Variants in PIWIL1 observed in about 807,000 individuals in gnomAD.
PIWIL1 encodes the protein piwi-like protein 1.
A neutral mutation model predicts 114.4 loss-of-function variants in PIWIL1; 73 were observed. That is an observed-to-expected ratio of 0.64 (90% CI 0.53 to 0.78). The LOEUF (loss-of-function observed/expected upper bound fraction) is 0.78. Among genes scored for constraint, PIWIL1 ranks in the 30% least tolerant of loss-of-function variants. The pLI is 0.00. For synonymous variants in PIWIL1, 375 were observed against 369.0 expected, an observed-to-expected ratio of 1.02 and a Z score of -0.19; for missense variants, 723 against 1,063.1, an observed-to-expected ratio of 0.68 and a Z score of 4.45.
intron 4 of PIWIL1, 64 bp downstream of exon 4, chr12:130,345,942 G>T (rs978420546): frequency 6.4e-7 from 1 of 1,559,478 alleles, no homozygotes; most frequent in Non-Finnish European, 8.7e-7. Context: ...GTGAATTGAG[G>T]CACTTTAGTT....
chr12:130,362,355 G>A lies in PIWIL1; in HGVS notation c.1971-411G>A, dbSNP rs76966551. On this transcript the variant is annotated intron_variant, in intron 16 of 20. Coordinates refer to ENST00000245255, the MANE Select transcript of PIWIL1 (RefSeq NM_004764.5). Reference sequence around the variant, plus strand: ...TTTCTGTTCCTGCATTAGTTTGCTAGAGGTAACGGATGGAGCTGAAGGTCT... The same window carrying A: ...TTTCTGTTCCTGCATTAGTTTGCTAAAGGTAACGGATGGAGCTGAAGGTCT... Among the ~76,000 whole-genome samples, 434 of 152,334 alleles carry A rather than the reference G, an allele frequency of 2.8e-3. 2 individuals carry two copies. Among genetic ancestry groups the A allele is most frequent in the African/African-American group, 1.0e-2 (415 of 41,576 alleles).
chr12:130,413,816 C>A, the PIWIL1 span, among the ~76,000 whole-genome samples: 2 of 152,068 alleles, frequency 1.3e-5, no homozygotes, highest in African/African-American at 2.4e-5. Flanking sequence ...TGCTGACTGA[C>A]AAGTGTTGTT....
chr12:130,362,319 T>G (rs7311424), intron 16 of PIWIL1, among the ~76,000 whole-genome samples: 15,550 of 152,052 alleles, frequency 0.1, 2,609 homozygotes, highest in African/African-American at 0.35. Flanking sequence ...TGAAAACAGG[T>G]GGTATTTGGT....
At chr12:130,359,443 C>T (rs1320209419) in intron 14 of PIWIL1, among the ~76,000 whole-genome samples, 1 of 152,168 alleles carries the variant, frequency 6.6e-6, no homozygotes, top group African/African-American at 2.4e-5. Flanking sequence ...ACCCCCATGC[C>T]CTGTTCCCAT....
chr12:130,375,750 TTC>T (rs1187835264), downstream of PIWIL1, among the ~76,000 whole-genome samples: 4 of 152,226 alleles, frequency 2.6e-5, no homozygotes, highest in East Asian at 1.9e-4. Flanking sequence ...ACTGTTCCAT[TTC>T]TCTCTTTCCC....
At chr12:130,422,852 C>T in the PIWIL1 span, among the ~76,000 whole-genome samples, 1 of 152,116 alleles carries the variant, frequency 6.6e-6, no homozygotes, top group African/African-American at 2.4e-5. This position sits in a 1 kb window ranked among gnomAD's most constrained non-coding sequence, Gnocchi z 5.2. Context: ...TGTTTTGGGA[C>T]CAAAGAGACA....
At chr12:130,391,954 C>T in the PIWIL1 span, among the ~76,000 whole-genome samples, 1 of 134,568 alleles carries the variant, frequency 7.4e-6, no homozygotes, top group East Asian at 2.1e-4. Context: ...ACTGTCATCA[C>T]GTGTGTCCAT....
At chr12:130,356,759 T>G (rs1283006694) in intron 12 of PIWIL1, among the ~76,000 whole-genome samples, 159 bp from the exon 13 acceptor site, 3 of 152,122 alleles carry the variant, frequency 2.0e-5, no homozygotes, top group African/African-American at 7.2e-5. Context: ...TATTTTAGAG[T>G]CTACCCCCAT....
At chr12:130,356,161 C>G (rs922626026) in intron 12 of PIWIL1, among the ~76,000 whole-genome samples, 2 of 150,594 alleles carry the variant, frequency 1.3e-5, no homozygotes, top group African/African-American at 4.9e-5. Context: ...TGGCCTGGAT[C>G]ATTTGTTTAT....
At chr12:130,361,839 A>G (rs1384269702) in intron 16 of PIWIL1, among the ~76,000 whole-genome samples, 1 of 152,160 alleles carries the variant, frequency 6.6e-6, no homozygotes, top group Non-Finnish European at 1.5e-5. Context: ...CATCTTGTTA[A>G]ATGTGACTCT....
intron 19 of PIWIL1, among the ~76,000 whole-genome samples, chr12:130,368,958 T>A (rs1283381140): frequency 6.6e-6 from 1 of 151,746 alleles, no homozygotes; most frequent in Non-Finnish European, 1.5e-5. Context: ...CGTGCCATGG[T>A]GGTTTACTGC....
chr12:130,342,515 T>C lies in PIWIL1; in HGVS notation c.-12-65T>C, dbSNP rs2072950003. On this transcript the variant is annotated intron_variant, in intron 1 of 20. Transcript: ENST00000245255. Reference sequence around the variant, plus strand: ...AAACTCAAAGAAGTTTAAAGTAACATTGTAGAAATTATCAAATGCGATTGC... The same window carrying C: ...AAACTCAAAGAAGTTTAAAGTAACACTGTAGAAATTATCAAATGCGATTGC... The C allele has an allele frequency of 9.7e-6, 9 of 923,372 alleles. No homozygotes were observed. The East Asian group carries it at 2.0e-4, about 20-fold the overall frequency. 57.2% of individuals were successfully genotyped at this position (923,372 alleles called of 1,614,324 possible).
At chr12:130,341,594 ATGTT>A (rs1246264196) in intron 1 of PIWIL1, among the ~76,000 whole-genome samples, 6 of 152,208 alleles carry the variant, frequency 3.9e-5, no homozygotes, top group Admixed American at 3.9e-4. Flanking sequence ...ATTAGGGCTA[ATGTT>A]TGTTGACTGC....
chr12:130,405,532 A>C, the PIWIL1 span, among the ~76,000 whole-genome samples: 1 of 152,262 alleles, frequency 6.6e-6, no homozygotes, highest in Non-Finnish European at 1.5e-5. Context: ...ACTTGTAAAG[A>C]TGCCCCAGCT....
the PIWIL1 span, chr12:130,422,363 T>C: frequency 1.3e-6 from 1 of 791,240 alleles, no homozygotes; most frequent in Non-Finnish European, 2.0e-6. This position sits in a 1 kb window ranked among gnomAD's most constrained non-coding sequence, Gnocchi z 5.2. Flanking sequence ...CGGAAAATGC[T>C]ACTCCTAAAG....
chr12:130,388,943 C>T, the PIWIL1 span, among the ~76,000 whole-genome samples: 3 of 152,138 alleles, frequency 2.0e-5, no homozygotes, highest in Non-Finnish European at 2.9e-5. Context: ...TTTAAGATTA[C>T]ATCCATTATA....
chr12:130,361,291 A>T lies in PIWIL1; in HGVS notation c.1777A>T (p.Lys593Ter), dbSNP rs750598090. 1 of 1,614,048 alleles carries T rather than the reference A, an allele frequency of 6.2e-7. No individual in the cohort carries two copies. Among genetic ancestry groups the T allele is most frequent in the Admixed American group, 1.7e-5 (1 of 60,018 alleles). Residue 593 changes from lysine to a stop codon, truncating the protein, a stop_gained, in exon 15 of 21, where the codon AAA becomes TAA. Transcript: ENST00000245255. LOFTEE classifies it high-confidence loss of function. ...SQCVVARTLG[K>*]QQTVMAIATK... ...GTGTGTGGTGGCCCGAACCTTAGGC[A>T]AACAGCAAACTGTCATGGCCATTGC...
chr12:130,424,901 G>GTGGT, the PIWIL1 span: 2 of 1,164,838 alleles, frequency 1.7e-6, no homozygotes, highest in Non-Finnish European at 2.2e-6. This position sits in a 1 kb window ranked among gnomAD's most constrained non-coding sequence, Gnocchi z 9.8. Context: ...GAAAGAGTGT[G>GTGGT]TGGTCAGCAT....
At chr12:130,392,502 G>A in the PIWIL1 span, among the ~76,000 whole-genome samples, 572 of 104,240 alleles carry the variant, frequency 5.5e-3, 3 homozygotes, top group African/African-American at 0.016. Flanking sequence ...TCACGTGTCC[G>A]TCAGTTACCT....
Sources: gnomAD v4.1 joint callset for allele counts (sites outside exome capture counted in the v4.1 genomes callset) on GRCh38, gnomAD v4.1.1 for gene constraint, Gnocchi (gnomAD v3.1) non-coding constraint, MANE v1.5 for transcripts, NCBI Gene and HGNC (gene_info 2026-07-23, HGNC 2026-07-21) for gene names.